Variants in MNAT1 observed in about 807,000 individuals in gnomAD.
The protein encoded by MNAT1 is MNAT1 component of CDK activating kinase.
Under a neutral mutation model 42.0 loss-of-function variants are expected in MNAT1, and 43 were observed. That is an observed-to-expected ratio of 1.02 (90% confidence interval 0.80 to 1.32). The LOEUF (loss-of-function observed/expected upper bound fraction) is 1.32, where lower values mean the gene tolerates loss of function less well. Ranked by LOEUF, MNAT1 falls within the 40% of genes most tolerant of loss-of-function variation. The probability of loss-of-function intolerance (pLI) is 0.00; values close to 1 mark genes in which losing one functional copy is unlikely to be tolerated. For missense variants in MNAT1, 306 were observed against 350.4 expected (o/e 0.87, Z 1.01); for synonymous variants, 118 against 120.0 (o/e 0.98, Z 0.11).
intron 7 of MNAT1, among the ~76,000 whole-genome samples, chr14:60,914,542 A>G (rs1423472844): frequency 6.4e-5 from 6 of 94,438 alleles, no homozygotes; most frequent in Non-Finnish European, 1.1e-4. Context: ...AGTTGTGTAG[A>G]GGCACAGATA....
intron 6 of MNAT1, among the ~76,000 whole-genome samples, chr14:60,878,455 A>G (rs1252905903): frequency 6.6e-6 from 1 of 152,140 alleles, no homozygotes; most frequent in Non-Finnish European, 1.5e-5. Flanking sequence ...ATGATTTCCC[A>G]TGGAAACTCT....
chr14:60,895,173 A>G (rs2034925682), intron 7 of MNAT1, among the ~76,000 whole-genome samples: 1 of 152,206 alleles, frequency 6.6e-6, no homozygotes, highest in African/African-American at 2.4e-5. Context: ...GCCAAAGTAA[A>G]TCCTAAATTG....
chr14:60,842,527 ACC>A (rs1444356666), intron 6 of MNAT1, among the ~76,000 whole-genome samples: 3 of 152,130 alleles, frequency 2.0e-5, no homozygotes, highest in Non-Finnish European at 4.4e-5. Flanking sequence ...ATTTCTGGAA[ACC>A]ATTGATTCTT....
chr14:60,803,665 G>T (rs533537133), intron 3 of MNAT1, among the ~76,000 whole-genome samples: 5 of 152,312 alleles, frequency 3.3e-5, no homozygotes, highest in African/African-American at 1.2e-4. Context: ...CTTATAGGTA[G>T]AAGGGTGCTG....
At chr14:60,771,707 T>G (rs1184106739) in intron 1 of MNAT1, among the ~76,000 whole-genome samples, 1 of 152,192 alleles carries the variant, frequency 6.6e-6, no homozygotes, top group African/African-American at 2.4e-5. Flanking sequence ...CTACATTTTC[T>G]TCTTTCCCTA....
chr14:60,912,118 G>A (rs1477170400), intron 7 of MNAT1, among the ~76,000 whole-genome samples: 2 of 152,046 alleles, frequency 1.3e-5, no homozygotes, highest in Non-Finnish European at 2.9e-5. Context: ...TTTAAAGTCT[G>A]TTTTATCAGA....
Position 60,736,759 on chromosome 14 carries a change from T to G in MNAT1, c.89+1808T>G, listed in dbSNP as rs547109255. Among the ~76,000 whole-genome samples the G allele has an allele frequency of 3.3e-5, 5 of 152,310 alleles. 1 individual carries two copies. The South Asian group carries it at 1.0e-3, about 32-fold the overall frequency. ...TTAGCCGTTCTTCTTGTTGGTACAA[T>G]AGAGAAAATAGTGCTGCTTGTATCA... is the stretch of plus-strand genomic sequence containing the variant. On this transcript the variant is annotated intron_variant, in intron 1 of 7. Coordinates refer to ENST00000261245, the MANE Select transcript of MNAT1 (RefSeq NM_002431.4).
At chr14:60,882,923 G>A (rs1373219149) in intron 7 of MNAT1, among the ~76,000 whole-genome samples, 1 of 151,880 alleles carries the variant, frequency 6.6e-6, no homozygotes, top group African/African-American at 2.4e-5. Context: ...CCATTTTTAA[G>A]TTGGATTATT....
chr14:60,792,901 T>C (rs2140323386), intron 1 of MNAT1, among the ~76,000 whole-genome samples: 1 of 152,346 alleles, frequency 6.6e-6, no homozygotes, highest in Non-Finnish European at 1.5e-5. Flanking sequence ...ATGTAAAGTT[T>C]TATTTGAAAA....
At chr14:60,897,939 C>A (rs2034991942) in intron 7 of MNAT1, among the ~76,000 whole-genome samples, 1 of 152,108 alleles carries the variant, frequency 6.6e-6, no homozygotes, top group African/African-American at 2.4e-5. Flanking sequence ...ATTCTAGTGT[C>A]TATCTCCATG....
At chr14:60,786,743 C>T (rs2031664946) in intron 1 of MNAT1, among the ~76,000 whole-genome samples, 1 of 152,146 alleles carries the variant, frequency 6.6e-6, no homozygotes, top group African/African-American at 2.4e-5. Context: ...ACTAGATTCT[C>T]ACATCTGCTT....
intron 7 of MNAT1, among the ~76,000 whole-genome samples, chr14:60,907,413 A>G (rs139225433): frequency 0.013 from 1,731 of 136,360 alleles, 42 homozygotes; most frequent in African/African-American, 0.045. Context: ...AGCCTGTGTG[A>G]CAGAGCAAGA....
At chr14:60,901,159 GC>G (rs1460550534) in intron 7 of MNAT1, among the ~76,000 whole-genome samples, 1 of 151,794 alleles carries the variant, frequency 6.6e-6, no homozygotes, top group Non-Finnish European at 1.5e-5. Flanking sequence ...AAATTGTAGG[GC>G]CCCTAAAAAG....
intron 6 of MNAT1, among the ~76,000 whole-genome samples, chr14:60,851,900 C>T (rs932852263): frequency 2.6e-5 from 4 of 152,086 alleles, no homozygotes; most frequent in African/African-American, 9.7e-5. Flanking sequence ...TTTATGGCTG[C>T]GTAGTATTCC....
At chr14:60,839,237 G>A (rs1466012041) in intron 6 of MNAT1, among the ~76,000 whole-genome samples, 1 of 152,146 alleles carries the variant, frequency 6.6e-6, no homozygotes, top group East Asian at 1.9e-4. Context: ...GCCACCCATG[G>A]ACCAATTAGC....
At chr14:60,796,769 G>T (rs1275032559) in intron 2 of MNAT1, among the ~76,000 whole-genome samples, 3 of 152,116 alleles carry the variant, frequency 2.0e-5, no homozygotes, top group African/African-American at 7.2e-5. Context: ...AAAAAAACAA[G>T]TAAACCAAAA....
At chr14:60,838,930 C>T (rs547161858) in intron 6 of MNAT1, among the ~76,000 whole-genome samples, 1 of 152,216 alleles carries the variant, frequency 6.6e-6, no homozygotes, top group Non-Finnish European at 1.5e-5. Flanking sequence ...CTGCCAGCCC[C>T]CTGTCACCTC....
chr14:60,948,119 C>T (rs1259455350), intron 7 of MNAT1, among the ~76,000 whole-genome samples: 3 of 152,022 alleles, frequency 2.0e-5, no homozygotes, highest in Admixed American at 2.0e-4. Flanking sequence ...TTCTTGAGCC[C>T]CCATTGTCTG....
intron 5 of MNAT1, 22 bp from the exon 6 acceptor site, chr14:60,818,700 T>C: frequency 6.6e-7 from 1 of 1,515,284 alleles, no homozygotes; most frequent in Non-Finnish European, 8.9e-7. Flanking sequence ...CATTTCTTAT[T>C]GAACTTGAAC....
Sources: gnomAD v4.1 joint callset for allele counts (sites outside exome capture counted in the v4.1 genomes callset) on GRCh38, gnomAD v4.1.1 for gene constraint, MANE v1.5 for transcripts, NCBI Gene and HGNC (gene_info 2026-07-23, HGNC 2026-07-21) for gene names.